EPHA5: variants seen among roughly 807,000 people sequenced by gnomAD.
EPHA5 encodes the protein EPH receptor A5.
EPHA5 carries 60 observed loss-of-function variants against 105.0 expected under a neutral mutation model. The ratio of observed to expected loss-of-function variants is 0.57; its 90% CI spans 0.46 to 0.71. The LOEUF (loss-of-function observed/expected upper bound fraction) is 0.71, where lower values mean the gene tolerates loss of function less well. Ranked by LOEUF, EPHA5 falls within the 30% of genes least tolerant of loss-of-function variation. The pLI is 0.00. For missense variants in EPHA5, 1,218 were observed against 1,274.7 expected, an observed-to-expected ratio of 0.96 and a Z score of 0.68; for synonymous variants, 513 against 449.1, an observed-to-expected ratio of 1.14 and a Z score of -1.80.
chr4:65,578,641 G>A (rs1488150174), intron 3 of EPHA5, among the ~76,000 whole-genome samples: 1 of 152,134 alleles, frequency 6.6e-6, no homozygotes, highest in East Asian at 1.9e-4. Flanking sequence ...TTTAATTTTT[G>A]CAATTAAAAG....
chr4:65,510,208 G>T (rs13144104), intron 3 of EPHA5, among the ~76,000 whole-genome samples: 20 of 4,960 alleles, frequency 4.0e-3, no homozygotes, highest in Admixed American at 9.6e-3. Context: ...CTAATTTTGT[G>T]TTTTTTTTTT....
intron 11 of EPHA5, among the ~76,000 whole-genome samples, chr4:65,356,741 C>T (rs572655218): frequency 6.6e-6 from 1 of 151,488 alleles, no homozygotes; most frequent in Non-Finnish European, 1.5e-5. Flanking sequence ...CTTCAGGACC[C>T]ATTCGATTAT....
At position 65,601,758 on chromosome 4, in the gene EPHA5, G is replaced by A. The variant is rs766222138; in HGVS notation, c.793C>T (p.His265Tyr). The change falls in exon 3 of 17, where the codon CAT becomes TAT. Residue 265 changes from histidine (H) to tyrosine (Y), a missense_variant. By Grantham distance (83) the His-to-Tyr change is moderately conservative (BLOSUM62 2). Coordinates refer to ENST00000613740, the MANE Select transcript of EPHA5 (RefSeq NM_001281766.3). ...TTGGGAGGTTCATCGGTCACAGAAT[G>A]GTTGACACAGGAGCCTGACACTTCG... is the stretch of plus-strand genomic sequence containing the variant. ...LLEVSGSCVNHSVTDEPPKMH... is the reference protein window; with the variant it reads ...LLEVSGSCVNYSVTDEPPKMH... 4 of 1,614,122 alleles carry A rather than the reference G, an allele frequency of 2.5e-6. No homozygotes were observed. The highest frequency in any genetic ancestry group is 2.2e-5 in the East Asian group (1 of 44,858).
In EPHA5 at chr4:65,323,541, T is replaced by C. The variant is rs1719802556; in HGVS notation, c.*573A>G. 1 of 230,262 alleles carries C rather than the reference T, an allele frequency of 4.3e-6. No individual in the cohort carries two copies. The highest frequency in any genetic ancestry group is 8.6e-6 in the Non-Finnish European group (1 of 116,126). The allele number at this position is 230,262 out of a possible 1,614,324, so 14.3% of individuals were successfully genotyped here. ...CACCCTGTATTGTACTTTTTCTTGA[T>C]CAAGCAACATGTTTACACACTAGTT... On this transcript the variant is annotated 3_prime_UTR_variant, in exon 17 of 17. Coordinates refer to ENST00000613740, the MANE Select transcript of EPHA5 (RefSeq NM_001281766.3).
chr4:65,603,874 T>G (rs1309452722), intron 2 of EPHA5, among the ~76,000 whole-genome samples: 1 of 152,262 alleles, frequency 6.6e-6, no homozygotes, highest in East Asian at 1.9e-4. Flanking sequence ...TTAAACTACT[T>G]ACATTTTCTT....
At chr4:65,399,160 C>A (rs553723540) in intron 8 of EPHA5, among the ~76,000 whole-genome samples, 1 of 152,300 alleles carries the variant, frequency 6.6e-6, no homozygotes, top group East Asian at 1.9e-4. Context: ...CCAGGCATCA[C>A]CACATTCCCC....
chr4:65,420,703 T>A, intron 5 of EPHA5, 138 bp from the exon 6 acceptor site: 1 of 713,756 alleles, frequency 1.4e-6, no homozygotes, highest in Non-Finnish European at 2.1e-6. Flanking sequence ...TTTTTCTATA[T>A]AAGGTTTAAA....
At chr4:65,397,674 C>T (rs1019172489) in intron 8 of EPHA5, among the ~76,000 whole-genome samples, 2 of 151,834 alleles carry the variant, frequency 1.3e-5, no homozygotes, top group Non-Finnish European at 2.9e-5. Context: ...CACACTTAAC[C>T]TCCTTGTAAA....
intron 3 of EPHA5, among the ~76,000 whole-genome samples, chr4:65,524,814 G>T (rs1009747089): frequency 6.6e-6 from 1 of 151,680 alleles, no homozygotes; most frequent in African/African-American, 2.4e-5. Flanking sequence ...ATAACAGATT[G>T]TATGGCAGCT....
At chr4:65,573,846 A>G (rs1243170049) in intron 3 of EPHA5, 1 of 1,603,756 alleles carries the variant, frequency 6.2e-7, no homozygotes, top group African/African-American at 1.4e-5. Context: ...GAGCCACGGC[A>G]AAAAAAAACC....
chr4:65,500,279 A>G (rs1732345363), intron 3 of EPHA5, among the ~76,000 whole-genome samples: 1 of 151,372 alleles, frequency 6.6e-6, no homozygotes, highest in African/African-American at 2.4e-5. Flanking sequence ...AGAGTAGAAG[A>G]CAAAAAATGC....
At chr4:65,618,804 A>G (rs1019281472) in intron 2 of EPHA5, among the ~76,000 whole-genome samples, 1 of 152,238 alleles carries the variant, frequency 6.6e-6, no homozygotes, top group African/African-American at 2.4e-5. Flanking sequence ...CCAATAAATG[A>G]GTAAAATACA....
chr4:65,321,434 A>C lies in EPHA5; in HGVS notation c.*2680T>G, dbSNP rs1407869748. The C allele has an allele frequency of 4.3e-6, 1 of 230,030 alleles. No individual in the cohort carries two copies. The highest frequency in any genetic ancestry group is 8.6e-6 in the Non-Finnish European group (1 of 116,056). The allele number at this position is 230,030 out of a possible 1,614,324, so 14.2% of individuals were successfully genotyped here. A position where few individuals can be genotyped will look rare whatever the true frequency, so the allele number is the denominator to read the frequency against. On this transcript the variant is annotated 3_prime_UTR_variant, in exon 17 of 17. Transcript: ENST00000613740. The stretch of plus-strand genomic sequence containing the variant: ...CTTGCAGATGAGATTGGCATTTTCC[A>C]ATTGGTGACATATACAATAGGAAAC...
chr4:65,358,355 A>C (rs1053024905), intron 11 of EPHA5, among the ~76,000 whole-genome samples: 3 of 151,598 alleles, frequency 2.0e-5, no homozygotes, highest in African/African-American at 7.3e-5. Flanking sequence ...TCTCTTAGAA[A>C]TATATTTTAA....
At chr4:65,588,530 A>G (rs1742337088) in intron 3 of EPHA5, among the ~76,000 whole-genome samples, 1 of 152,046 alleles carries the variant, frequency 6.6e-6, no homozygotes, top group Non-Finnish European at 1.5e-5. Context: ...CTTGGCTAAG[A>G]CTTTCCCCTT....
At chr4:65,565,758 T>A (rs1252461577) in intron 3 of EPHA5, among the ~76,000 whole-genome samples, 1 of 150,962 alleles carries the variant, frequency 6.6e-6, no homozygotes, top group Non-Finnish European at 1.5e-5. Flanking sequence ...TTATGGGAAA[T>A]ATATATGTGG....
chr4:65,535,285 C>G (rs937752057), intron 3 of EPHA5, among the ~76,000 whole-genome samples: 1 of 152,024 alleles, frequency 6.6e-6, no homozygotes, highest in African/African-American at 2.4e-5. Flanking sequence ...TTAACGATCC[C>G]CATTGTCTGT....
intron 3 of EPHA5, among the ~76,000 whole-genome samples, chr4:65,571,741 G>C (rs1188844081): frequency 1.3e-5 from 2 of 151,768 alleles, no homozygotes; most frequent in African/African-American, 2.4e-5. Context: ...TTGTTTTTGT[G>C]GGTTTTTATT....
At chr4:65,529,022 G>A (rs553196044) in intron 3 of EPHA5, among the ~76,000 whole-genome samples, 1 of 152,082 alleles carries the variant, frequency 6.6e-6, no homozygotes. Context: ...TTATTTCTGA[G>A]GTTTTAGAGT....
Sources: gnomAD v4.1 joint callset for allele counts (sites outside exome capture counted in the v4.1 genomes callset) on GRCh38, gnomAD v4.1.1 for gene constraint, MANE v1.5 for transcripts, NCBI Gene and HGNC (gene_info 2026-07-23, HGNC 2026-07-21) for gene names.